USP45: variants seen among roughly 807,000 people sequenced by gnomAD.
USP45 encodes ubiquitin carboxyl-terminal hydrolase 45.
Under a neutral mutation model 95.8 loss-of-function variants are expected in USP45, and 89 were observed. That is an observed-to-expected ratio of 0.93 (90% CI 0.78 to 1.11). USP45 has a LOEUF of 1.11. Among genes scored for constraint, USP45 ranks in the 50% least tolerant of loss-of-function variants. USP45 has a pLI of 0.00. For synonymous variants in USP45, 281 were observed against 316.2 expected (o/e 0.89, Z 1.18); for missense variants, 898 against 942.5 (o/e 0.95, Z 0.62).
At chr6:99,478,004 G>A (rs1439780581) in intron 8 of USP45, among the ~76,000 whole-genome samples, 1 of 151,998 alleles carries the variant, frequency 6.6e-6, no homozygotes, top group Non-Finnish European at 1.5e-5. Flanking sequence ...CTAGAGGAGG[G>A]AACAGGAGAA....
intron 13 of USP45, among the ~76,000 whole-genome samples, chr6:99,450,646 T>C (rs1783646822): frequency 6.6e-6 from 1 of 152,130 alleles, no homozygotes. Context: ...ACTATTCTAA[T>C]CAATAGAAAA....
chr6:99,458,959 T>C (rs771949959), intron 13 of USP45, among the ~76,000 whole-genome samples: 17 of 152,294 alleles, frequency 1.1e-4, no homozygotes, highest in Middle Eastern at 3.4e-3. Context: ...CACAGACTTG[T>C]TTTTGTTTTG....
At chr6:99,443,493 G>T in intron 15 of USP45, 72 bp downstream of exon 15, 1 of 1,018,690 alleles carries the variant, frequency 9.8e-7, no homozygotes, top group South Asian at 2.0e-5. Flanking sequence ...TCTAATTCTT[G>T]ACAATATTCT....
intron 9 of USP45, among the ~76,000 whole-genome samples, chr6:99,471,138 C>T (rs1477925766): frequency 6.6e-6 from 1 of 152,098 alleles, no homozygotes; most frequent in Admixed American, 6.6e-5. Context: ...TAATTTTGAT[C>T]CTAACCGTGA....
rs1205611311 is a variant in USP45 at position 99,462,176 on chromosome 6, TA to T, written c.1308+2427del. On this transcript the variant is annotated intron_variant, in intron 13 of 17. Transcript: ENST00000500704. ...AACGTTCAATAAAGAATAGGTCCAA[TA>T]AAAAAGTAACAAAAAATATTATATG... 1.0e-5 allele frequency: 10 copies of T among 977,586 alleles called. No homozygotes were observed. In the Admixed American group the frequency reaches 2.5e-4, roughly 24 times the overall value. 60.6% of individuals were successfully genotyped at this position (977,586 alleles called of 1,614,324 possible). A position where few individuals can be genotyped will look rare whatever the true frequency, so the allele number is the denominator to read the frequency against.
intron 5 of USP45, among the ~76,000 whole-genome samples, chr6:99,490,458 G>A (rs944700340): frequency 3.3e-5 from 5 of 151,988 alleles, no homozygotes; most frequent in Admixed American, 6.6e-5. Flanking sequence ...GGAATTACAG[G>A]TGTGAGCCAC....
chr6:99,443,682 T>C lies in USP45; in HGVS notation c.1976-20A>G, dbSNP rs556122052. 6.2e-6 allele frequency: 9 copies of C among 1,448,992 alleles called. No homozygotes were observed. In the South Asian group the frequency reaches 8.6e-5, roughly 14 times the overall value. The allele number at this position is 1,448,992 out of a possible 1,614,324, so 89.8% of individuals were successfully genotyped here. A position where few individuals can be genotyped will look rare whatever the true frequency, so the allele number is the denominator to read the frequency against. The stretch of plus-strand genomic sequence containing the variant: ...TCTTTTCTACATAAAATACAATAAA[T>C]TTATTTATAAAATTCCATTTTATAC... On this transcript the variant is annotated intron_variant, in intron 14 of 17. Coordinates refer to ENST00000500704, the MANE Select transcript of USP45 (RefSeq NM_001346022.3).
rs973963352 is a variant in USP45 at position 99,445,811 on chromosome 6, T to G, written c.1961A>C (p.Glu654Ala). The G allele has an allele frequency of 1.3e-6, 2 of 1,565,662 alleles. No homozygotes were observed. The highest frequency in any genetic ancestry group is 8.6e-7 in the Non-Finnish European group (1 of 1,161,126). Residue 654 changes from glutamate to alanine, a missense_variant, in exon 14 of 18, where the codon GAA (glutamate) becomes GCA (alanine). By Grantham distance (107) the Glu-to-Ala change is moderately radical. Coordinates refer to ENST00000500704, the MANE Select transcript of USP45 (RefSeq NM_001346022.3). ...AAAATAATTACCTGCAAAACTGGTT[T>G]CTTCTTGGTACTTCTGTTTGTTTTT... The part of the protein sequence containing the change: ...CTKNKQKYQE[E>A]TSFAEKKVEG...
intron 5 of USP45, among the ~76,000 whole-genome samples, chr6:99,500,019 T>C (rs1470514778): frequency 2.0e-5 from 3 of 152,168 alleles, no homozygotes; most frequent in Non-Finnish European, 4.4e-5. Flanking sequence ...AAATATAAAG[T>C]ACTAAGGAAA....
At chr6:99,482,911 A>G in intron 7 of USP45, 28 bp from the exon 8 acceptor site, 1 of 1,430,236 alleles carries the variant, frequency 7.0e-7, no homozygotes, top group Non-Finnish European at 9.2e-7. Flanking sequence ...ACTCTATGTC[A>G]GAAATGTACA....
intron 13 of USP45, among the ~76,000 whole-genome samples, chr6:99,464,221 G>A (rs916125064): frequency 1.2e-4 from 18 of 152,144 alleles, no homozygotes; most frequent in African/African-American, 2.9e-4. Flanking sequence ...CAGGAGAATC[G>A]CTTGAACCCA....
intron 15 of USP45, 36 bp downstream of exon 15, chr6:99,443,529 C>T: frequency 6.9e-7 from 1 of 1,443,810 alleles, no homozygotes; most frequent in Non-Finnish European, 9.7e-7. Context: ...CTGTAAAACA[C>T]ATGATGAAAA....
At chr6:99,456,802 T>C (rs570396104) in intron 13 of USP45, among the ~76,000 whole-genome samples, 1 of 141,168 alleles carries the variant, frequency 7.1e-6, no homozygotes, top group Non-Finnish European at 1.6e-5. Context: ...TAACAGCAAT[T>C]GTTCAGGGAA....
intron 15 of USP45, among the ~76,000 whole-genome samples, chr6:99,440,083 A>T (rs1261621482): frequency 6.6e-6 from 1 of 152,204 alleles, no homozygotes; most frequent in Admixed American, 6.5e-5. Context: ...CAATAGGGGG[A>T]ATAGTTACTT....
At chr6:99,461,283 T>C in intron 13 of USP45, 5 of 985,352 alleles carry the variant, frequency 5.1e-6, no homozygotes, top group Non-Finnish European at 6.0e-6. Flanking sequence ...TTTAAAAAGC[T>C]GTGGGGAGGG....
chr6:99,480,103 T>C (rs747394684), intron 8 of USP45, among the ~76,000 whole-genome samples: 1 of 152,192 alleles, frequency 6.6e-6, no homozygotes, highest in Non-Finnish European at 1.5e-5. Context: ...TTCTGTATAT[T>C]AACAATGAAC....
At chr6:99,452,410 C>G (rs566237345) in intron 13 of USP45, among the ~76,000 whole-genome samples, 7 of 152,150 alleles carry the variant, frequency 4.6e-5, no homozygotes, top group South Asian at 2.1e-4. Flanking sequence ...ATGCAGCTAA[C>G]AGACACATGA....
intron 7 of USP45, among the ~76,000 whole-genome samples, 166 bp from the exon 8 acceptor site, chr6:99,483,049 T>C (rs549281240): frequency 1.3e-5 from 2 of 152,296 alleles, no homozygotes; most frequent in African/African-American, 2.4e-5. Flanking sequence ...GAAAACAGAA[T>C]ACCTGCCTTG....
intron 10 of USP45, chr6:99,468,063 A>G: frequency 2.2e-6 from 1 of 445,464 alleles, no homozygotes; most frequent in Non-Finnish European, 4.5e-6. Context: ...AATAGCAAAC[A>G]CTAGGAGTAG....
Sources: allele counts gnomAD v4.1 joint callset (sites outside exome capture counted in the v4.1 genomes callset), GRCh38; gene constraint gnomAD v4.1.1; transcripts MANE v1.5; gene names NCBI Gene and HGNC (gene_info 2026-07-23, HGNC 2026-07-21).